Variants in FNDC3B observed in about 807,000 individuals in gnomAD.
FNDC3B encodes fibronectin type III domain containing 3B.
A neutral mutation model predicts 151.5 loss-of-function variants in FNDC3B; 12 were observed. The ratio of observed to expected loss-of-function variants is 0.08; its 90% CI spans 0.05 to 0.13. The LOEUF (loss-of-function observed/expected upper bound fraction) is 0.13, where lower values mean the gene tolerates loss of function less well. Among genes scored for constraint, FNDC3B ranks in the 10% least tolerant of loss-of-function variants. FNDC3B has a pLI of 1.00. For synonymous variants in FNDC3B, 528 were observed against 549.0 expected, an observed-to-expected ratio of 0.96 and a Z score of 0.54; for missense variants, 1,214 against 1,505.3, an observed-to-expected ratio of 0.81 and a Z score of 3.20.
Position 172,098,741 on chromosome 3 carries a change from C to T in FNDC3B, c.-28-13711C>T, listed in dbSNP as rs145266030. ...TTTCCCCTTCACCTTGGGAAGAACT[C>T]GGGGGAATGGTTGTGAACAACACTG... On this transcript the variant is annotated intron_variant, in intron 1 of 25. Coordinates refer to ENST00000415807, the MANE Select transcript of FNDC3B (RefSeq NM_022763.4). Among the ~76,000 whole-genome samples the T allele has an allele frequency of 2.7e-3, 410 of 152,114 alleles. 1 individual carries two copies. The highest frequency in any genetic ancestry group is 5.8e-3 in the Admixed American group (89 of 15,284).
chr3:172,307,581 T>G, intron 10 of FNDC3B, 80 bp downstream of exon 10: 1 of 1,440,294 alleles, frequency 6.9e-7, no homozygotes, highest in Non-Finnish European at 9.6e-7. Context: ...TAGTCCCAGC[T>G]ACCTGGGAGG....
At chr3:172,376,345 A>T (rs1291779588) in intron 23 of FNDC3B, among the ~76,000 whole-genome samples, 1 of 152,184 alleles carries the variant, frequency 6.6e-6, no homozygotes, top group African/African-American at 2.4e-5. Flanking sequence ...ATATATATTG[A>T]ACTTATTTTC....
At chr3:172,173,047 C>A (rs1723360103) in intron 3 of FNDC3B, among the ~76,000 whole-genome samples, 1 of 152,046 alleles carries the variant, frequency 6.6e-6, no homozygotes, top group Non-Finnish European at 1.5e-5. Context: ...TCAATGAAGT[C>A]ATTTATAGAA....
At chr3:172,332,861 AC>A (rs1732751010) in intron 13 of FNDC3B, among the ~76,000 whole-genome samples, 1 of 152,228 alleles carries the variant, frequency 6.6e-6, no homozygotes, top group African/African-American at 2.4e-5. Flanking sequence ...AATAAATTTG[AC>A]CAGACCCAGG....
intron 11 of FNDC3B, among the ~76,000 whole-genome samples, chr3:172,312,599 T>A (rs1576900156): frequency 1.0e-5 from 1 of 97,718 alleles, no homozygotes; most frequent in Non-Finnish European, 2.1e-5. Context: ...AGAAAAGGCA[T>A]TTTTTTTTTC....
At chr3:172,179,210 C>T (rs941157035) in intron 3 of FNDC3B, among the ~76,000 whole-genome samples, 2 of 150,636 alleles carry the variant, frequency 1.3e-5, no homozygotes, top group African/African-American at 4.9e-5. Flanking sequence ...TACAGGCACG[C>T]GCCACCATGC....
At chr3:172,328,879 CCTT>C in intron 11 of FNDC3B, 70 bp from the exon 12 acceptor site, 2 of 1,199,018 alleles carry the variant, frequency 1.7e-6, no homozygotes, top group South Asian at 3.5e-5. Context: ...TCAAGATGCT[CCTT>C]CATTTATTTA....
At chr3:172,162,107 A>T (rs751788622) in intron 3 of FNDC3B, among the ~76,000 whole-genome samples, 14 of 151,706 alleles carry the variant, frequency 9.2e-5, no homozygotes, top group Non-Finnish European at 1.6e-4. Context: ...CCTCCTGAGT[A>T]GCTGGGACCA....
In FNDC3B at chr3:172,218,902, A is replaced by G. The variant is rs143705112; in HGVS notation, c.188-7969A>G. On this transcript the variant is annotated intron_variant, in intron 3 of 25. Coordinates refer to ENST00000415807, the MANE Select transcript of FNDC3B (RefSeq NM_022763.4). ...GCCAGAGGAAGTGCCATCAGTACCT[A>G]GCTTCTGTGTGAAAATAACACCTTG... 1.9e-3 allele frequency among the ~76,000 whole-genome samples: 283 copies of G among 152,332 alleles called. 1 individual carries two copies. Among genetic ancestry groups the G allele is most frequent in the Admixed American group, 2.9e-3 (45 of 15,304 alleles).
chr3:172,263,215 A>C (rs896519538), intron 6 of FNDC3B, among the ~76,000 whole-genome samples: 3 of 151,970 alleles, frequency 2.0e-5, no homozygotes, highest in African/African-American at 7.2e-5. Flanking sequence ...TACAACAGTT[A>C]AAAATTTTTT....
chr3:172,172,893 G>C (rs1723355501), intron 3 of FNDC3B, among the ~76,000 whole-genome samples: 1 of 152,156 alleles, frequency 6.6e-6, no homozygotes, highest in Non-Finnish European at 1.5e-5. Flanking sequence ...GTTTAGGAGT[G>C]AGTTACTTAG....
At chr3:172,327,785 G>A (rs1732434264) in intron 11 of FNDC3B, among the ~76,000 whole-genome samples, 1 of 152,214 alleles carries the variant, frequency 6.6e-6, no homozygotes, top group Non-Finnish European at 1.5e-5. Context: ...AAAACCACCT[G>A]GAATGTGTTT....
chr3:172,346,293 A>G (rs764352711), intron 19 of FNDC3B, 34 bp from the exon 20 acceptor site: 7 of 1,268,472 alleles, frequency 5.5e-6, no homozygotes, highest in Non-Finnish European at 5.7e-6. Context: ...ACACGCATAT[A>G]TACATACGTG....
intron 1 of FNDC3B, among the ~76,000 whole-genome samples, chr3:172,071,382 A>T (rs542737638): frequency 6.6e-6 from 1 of 152,162 alleles, no homozygotes; most frequent in African/African-American, 2.4e-5. Context: ...ATTAAGGCAA[A>T]GTCTTAAGGA....
At chr3:172,353,726 G>A (rs1733965612) in intron 22 of FNDC3B, among the ~76,000 whole-genome samples, 1 of 152,174 alleles carries the variant, frequency 6.6e-6, no homozygotes, top group South Asian at 2.1e-4. Flanking sequence ...CTATGGAAAG[G>A]TGAGCTTAGA....
At chr3:172,111,258 A>T (rs1196827755) in intron 1 of FNDC3B, among the ~76,000 whole-genome samples, 2 of 152,174 alleles carry the variant, frequency 1.3e-5, no homozygotes, top group African/African-American at 2.4e-5. Context: ...CATAGTTCAA[A>T]CAATTAAGTC....
intron 3 of FNDC3B, among the ~76,000 whole-genome samples, chr3:172,196,279 C>G (rs553312372): frequency 6.6e-6 from 1 of 152,118 alleles, no homozygotes; most frequent in African/African-American, 2.4e-5. Flanking sequence ...CCTCGAACTT[C>G]CAGGTTCAAG....
At chr3:172,255,675 TAC>T (rs1415561954) in intron 6 of FNDC3B, among the ~76,000 whole-genome samples, 1 of 152,138 alleles carries the variant, frequency 6.6e-6, no homozygotes, top group Non-Finnish European at 1.5e-5. Context: ...GTGTTGGGAT[TAC>T]AGGCGTGAGC....
At chr3:172,142,520 C>T (rs762015205) in intron 3 of FNDC3B, among the ~76,000 whole-genome samples, 3 of 152,202 alleles carry the variant, frequency 2.0e-5, no homozygotes, top group Non-Finnish European at 2.9e-5. Context: ...TGGTTGGCCA[C>T]AGGCTATTTC....
Sources: gnomAD v4.1 joint callset for allele counts (sites outside exome capture counted in the v4.1 genomes callset) on GRCh38, gnomAD v4.1.1 for gene constraint, MANE v1.5 for transcripts, NCBI Gene and HGNC (gene_info 2026-07-23, HGNC 2026-07-21) for gene names.